Variants in CFAP47 observed in about 807,000 individuals in gnomAD.
CFAP47 encodes cilia- and flagella-associated protein 47.
CFAP47 carries 29 observed loss-of-function variants against 148.1 expected under a neutral mutation model. That is an observed-to-expected ratio of 0.20 (90% confidence interval 0.15 to 0.27). The LOEUF (loss-of-function observed/expected upper bound fraction) is 0.27. CFAP47 is among the 10% of genes least tolerant of loss of function. CFAP47 has a pLI of 1.00. For missense variants in CFAP47, 1,872 were observed against 1,697.5 expected (o/e 1.10, Z -1.81); for synonymous variants, 664 against 577.3 (o/e 1.15, Z -2.15).
chrX:35,967,812 A>G lies in CFAP47; in HGVS notation c.1794A>G (p.Lys598=). The change falls in exon 10 of 64, where the codon AAA becomes AAG. Residue 598 remains lysine (K), a synonymous_variant. Coordinates refer to ENST00000378653, the MANE Select transcript of CFAP47 (RefSeq NM_001304548.2). ...PNDRAATIRS[K]DHHKHFRPIF... ...ACCGAGCTGCAACTATCAGGTCTAA[A>G]GACCATCATAAACATTTCAGGTAAC... The G allele has an allele frequency of 8.3e-7, 1 of 1,203,269 alleles. No individual in the cohort carries two copies. The highest frequency in any genetic ancestry group is 1.1e-6 in the Non-Finnish European group (1 of 889,521).
chrX:36,039,274 A>G (rs1186426710), intron 25 of CFAP47, 95 bp downstream of exon 25: 5 of 399,731 alleles, frequency 1.3e-5, no homozygotes, highest in African/African-American at 5.3e-5. Flanking sequence ...GCTTGTTTCT[A>G]TAGTTGGAAA....
chrX:36,313,799 G>A (rs189374265), intron 56 of CFAP47, among the ~76,000 whole-genome samples: 43 of 110,867 alleles, frequency 3.9e-4, no homozygotes, highest in African/African-American at 1.4e-3. Context: ...CTCATTAGCT[G>A]CAAATCCTGG....
intron 16 of CFAP47, among the ~76,000 whole-genome samples, chrX:35,991,575 A>G (rs1035521756): frequency 1.8e-5 from 2 of 110,548 alleles, no homozygotes; most frequent in Non-Finnish European, 3.8e-5. Flanking sequence ...AAATAAAATT[A>G]TTATACCTTG....
chrX:36,035,283 A>G (rs930283698), intron 23 of CFAP47, among the ~76,000 whole-genome samples: 1 of 111,551 alleles, frequency 9.0e-6, no homozygotes, highest in Admixed American at 9.6e-5. Flanking sequence ...TCAAAAACAC[A>G]GTTTTTCAAA....
At chrX:36,252,292 T>C (rs1940701838) in intron 49 of CFAP47, among the ~76,000 whole-genome samples, 1 of 108,959 alleles carries the variant, frequency 9.2e-6, no homozygotes, top group Non-Finnish European at 1.9e-5. Flanking sequence ...GGTTTATATC[T>C]AGTATAGAAG....
intron 42 of CFAP47, among the ~76,000 whole-genome samples, chrX:36,191,809 C>A (rs1352674496): frequency 9.1e-6 from 1 of 110,323 alleles, no homozygotes; most frequent in Non-Finnish European, 1.9e-5. Flanking sequence ...ATGGTGAAAC[C>A]CCTTCTCTAC....
In CFAP47 at chrX:35,987,459, C is replaced by T. The variant is rs765150324; in HGVS notation, c.2714-1860C>T. Among the ~76,000 whole-genome samples the T allele has an allele frequency of 2.6e-3, 284 of 111,278 alleles. 3 individuals carry two copies. The highest frequency in any genetic ancestry group is 9.0e-3 in the African/African-American group (275 of 30,619). ...CTCAGTAATGGCAGACGCCCCTCCCCCACTAAGAGCCAGTGTCCCAGGTCA... is the reference window on the plus strand; with the variant it reads ...CTCAGTAATGGCAGACGCCCCTCCCTCACTAAGAGCCAGTGTCCCAGGTCA... On this transcript the variant is annotated intron_variant, in intron 15 of 63. Transcript: ENST00000378653.
At chrX:36,024,667 T>C (rs1937195526) in intron 22 of CFAP47, among the ~76,000 whole-genome samples, 1 of 111,351 alleles carries the variant, frequency 9.0e-6, no homozygotes, top group African/African-American at 3.3e-5. Flanking sequence ...GTTTAAACAC[T>C]CCCTCCATGG....
intron 39 of CFAP47, among the ~76,000 whole-genome samples, chrX:36,172,884 C>T (rs1188536099): frequency 9.0e-6 from 1 of 111,351 alleles, no homozygotes; most frequent in Non-Finnish European, 1.9e-5. Context: ...GTACCAGTTC[C>T]TCCTTGTACC....
chrX:36,210,856 T>G (rs1321213738), intron 45 of CFAP47, among the ~76,000 whole-genome samples: 1 of 112,711 alleles, frequency 8.9e-6, no homozygotes, highest in Non-Finnish European at 1.9e-5. Context: ...ATTTAGGTGT[T>G]TTATCCATTT....
intron 8 of CFAP47, among the ~76,000 whole-genome samples, chrX:35,964,137 T>C (rs1401551193): frequency 8.9e-6 from 1 of 111,851 alleles, no homozygotes; most frequent in African/African-American, 3.2e-5. Flanking sequence ...TTTATATTTT[T>C]GTGATGAAAA....
At chrX:35,980,092 TAAGC>T (rs780648597) in intron 15 of CFAP47, among the ~76,000 whole-genome samples, 100 of 111,914 alleles carry the variant, frequency 8.9e-4, no homozygotes, top group African/African-American at 3.2e-3. Context: ...TCTGGGGCAA[TAAGC>T]AAGTGATGTC....
At chrX:36,116,887 T>C (rs1938650220) in intron 33 of CFAP47, among the ~76,000 whole-genome samples, 1 of 111,370 alleles carries the variant, frequency 9.0e-6, no homozygotes, top group Non-Finnish European at 1.9e-5. Context: ...CACTCCCCAC[T>C]TCCCTCCCAC....
At chrX:35,947,306 G>A (rs1214073249) in intron 3 of CFAP47, among the ~76,000 whole-genome samples, 1 of 109,394 alleles carries the variant, frequency 9.1e-6, no homozygotes, top group Non-Finnish European at 1.9e-5. Flanking sequence ...TCTGCTTCAA[G>A]CTGAAGCAGC....
intron 62 of CFAP47, among the ~76,000 whole-genome samples, chrX:36,373,383 TCATCC>T (rs1328338024): frequency 9.0e-6 from 1 of 111,464 alleles, no homozygotes; most frequent in Non-Finnish European, 1.9e-5. Flanking sequence ...TGTTGATTTT[TCATCC>T]ATCAATGTCA....
At chrX:36,096,759 C>T (rs930405359) in intron 30 of CFAP47, among the ~76,000 whole-genome samples, 8 of 109,817 alleles carry the variant, frequency 7.3e-5, no homozygotes, top group African/African-American at 1.3e-4. Context: ...GTGTTTCTTG[C>T]GGCAACAGAT....
intron 8 of CFAP47, among the ~76,000 whole-genome samples, chrX:35,961,880 T>C (rs1019444782): frequency 9.0e-6 from 1 of 111,656 alleles, no homozygotes; most frequent in African/African-American, 3.2e-5. Context: ...CTTACTTTGT[T>C]CTGTTTTCAA....
chrX:36,052,185 T>G (rs1194161098), intron 26 of CFAP47, among the ~76,000 whole-genome samples: 1 of 112,180 alleles, frequency 8.9e-6, no homozygotes, highest in Non-Finnish European at 1.9e-5. Flanking sequence ...CTCTATGAAT[T>G]TATTGGCACA....
chrX:35,941,182 T>G, intron 2 of CFAP47, 101 bp from the exon 3 acceptor site: 1 of 437,756 alleles, frequency 2.3e-6, no homozygotes, highest in Non-Finnish European at 3.9e-6. Context: ...CTGAAATGTC[T>G]TTTAAGGGCT....
Sources: allele counts gnomAD v4.1 joint callset (sites outside exome capture counted in the v4.1 genomes callset), GRCh38; gene constraint gnomAD v4.1.1; transcripts MANE v1.5; gene names NCBI Gene and HGNC (gene_info 2026-07-23, HGNC 2026-07-21).